CSMD1: variants seen among roughly 807,000 people sequenced by gnomAD.
CSMD1 encodes CUB and Sushi multiple domains 1.
In CSMD1, 213 loss-of-function variants were observed where a neutral mutation model predicts 417.5. The ratio of observed to expected loss-of-function variants is 0.51; its 90% CI spans 0.46 to 0.57. CSMD1 has a LOEUF of 0.57. Among genes scored for constraint, CSMD1 ranks in the 20% least tolerant of loss-of-function variants. CSMD1 has a pLI of 0.00. For synonymous variants in CSMD1, 2,862 were observed against 1,736.8 expected (o/e 1.65, Z -16.11); for missense variants, 6,923 against 4,529.7 (o/e 1.53, Z -15.17).
At chr8:4,134,924 T>A (rs967127620) in intron 3 of CSMD1, among the ~76,000 whole-genome samples, 3 of 152,184 alleles carry the variant, frequency 2.0e-5, no homozygotes, top group African/African-American at 7.2e-5. Context: ...TTTGCTAAAC[T>A]CTTCATCTCA....
intron 37 of CSMD1, among the ~76,000 whole-genome samples, chr8:3,172,139 T>A (rs942421978): frequency 6.6e-6 from 1 of 152,258 alleles, no homozygotes; most frequent in African/African-American, 2.4e-5. Flanking sequence ...GAATAAATCC[T>A]GGGCTACAAC....
intron 1 of CSMD1, among the ~76,000 whole-genome samples, chr8:4,863,586 A>T (rs1402752613): frequency 6.6e-6 from 1 of 152,026 alleles, no homozygotes; most frequent in African/African-American, 2.4e-5. Flanking sequence ...AATTTTGCAC[A>T]ATCTCTTCAT....
At chr8:3,264,144 A>C (rs1409818621) in intron 26 of CSMD1, among the ~76,000 whole-genome samples, 3 of 152,186 alleles carry the variant, frequency 2.0e-5, no homozygotes, top group African/African-American at 7.2e-5. Flanking sequence ...CCAGCTTTCT[A>C]GCAGGTATGA....
At chr8:4,393,915 G>A (rs764874489) in intron 3 of CSMD1, among the ~76,000 whole-genome samples, 8 of 152,218 alleles carry the variant, frequency 5.3e-5, no homozygotes, top group South Asian at 2.1e-4. Context: ...TCTTAAATCC[G>A]TTAGCTAGAT....
intron 3 of CSMD1, among the ~76,000 whole-genome samples, chr8:4,078,206 T>A (rs1368085223): frequency 6.6e-6 from 1 of 152,156 alleles, no homozygotes; most frequent in Non-Finnish European, 1.5e-5. Flanking sequence ...CATTTCTACA[T>A]CATTTTTTTC....
chr8:4,133,673 T>C (rs903497923), intron 3 of CSMD1, among the ~76,000 whole-genome samples: 4 of 151,164 alleles, frequency 2.6e-5, no homozygotes, highest in African/African-American at 4.9e-5. Flanking sequence ...GTAGGGAAAA[T>C]ATGTACAAAC....
At chr8:4,181,790 G>T (rs182994063) in intron 3 of CSMD1, among the ~76,000 whole-genome samples, 16 of 152,138 alleles carry the variant, frequency 1.1e-4, no homozygotes, top group Admixed American at 8.5e-4. Context: ...AACGATTTAG[G>T]TGACTAATTG....
intron 2 of CSMD1, among the ~76,000 whole-genome samples, chr8:4,428,239 C>T (rs974637083): frequency 6.6e-6 from 1 of 152,188 alleles, no homozygotes. Context: ...AAACACAAGA[C>T]AACTAGGAGA....
chr8:4,905,172 T>C (rs1585300145), intron 1 of CSMD1, among the ~76,000 whole-genome samples: 1 of 152,008 alleles, frequency 6.6e-6, no homozygotes, highest in Non-Finnish European at 1.5e-5. Flanking sequence ...TTCGAACACA[T>C]CTCTGAAAAA....
intron 51 of CSMD1, among the ~76,000 whole-genome samples, chr8:3,027,113 A>AT (rs1306555784): frequency 6.6e-6 from 1 of 152,158 alleles, no homozygotes; most frequent in Non-Finnish European, 1.5e-5. Context: ...AATTTAAAAA[A>AT]TTTTTTTAAA....
At chr8:4,877,871 C>A (rs937765444) in intron 1 of CSMD1, among the ~76,000 whole-genome samples, 2 of 151,976 alleles carry the variant, frequency 1.3e-5, no homozygotes, top group African/African-American at 4.8e-5. Context: ...ATTGCTCTAC[C>A]CAGTGTAGCA....
chr8:4,579,054 T>C (rs1461296213), intron 2 of CSMD1, among the ~76,000 whole-genome samples: 1 of 151,830 alleles, frequency 6.6e-6, no homozygotes, highest in Non-Finnish European at 1.5e-5. Context: ...CTGCAAAAGA[T>C]ATCTTTCTGC....
intron 3 of CSMD1, among the ~76,000 whole-genome samples, chr8:4,283,728 C>G (rs934315524): frequency 2.6e-5 from 4 of 151,958 alleles, no homozygotes; most frequent in South Asian, 2.1e-4. Flanking sequence ...TTTAACTCCT[C>G]AAGGAATGCA....
chr8:4,393,511 C>T lies in CSMD1; in HGVS notation c.415+26442G>A, dbSNP rs117447035. 2.6e-5 allele frequency among the ~76,000 whole-genome samples: 4 copies of T among 152,274 alleles called. No homozygotes were observed. The East Asian group carries it at 7.7e-4, about 29-fold the overall frequency. On this transcript the variant is annotated intron_variant, in intron 3 of 69. Transcript: ENST00000635120. ...CCACTATGTAGATTTAAACATATCTCATACATCCTAGGCCCAGTTTCACTT... is the reference window on the plus strand; with the variant it reads ...CCACTATGTAGATTTAAACATATCTTATACATCCTAGGCCCAGTTTCACTT...
intron 12 of CSMD1, among the ~76,000 whole-genome samples, chr8:3,452,219 G>T (rs1482009558): frequency 6.6e-6 from 1 of 152,190 alleles, no homozygotes; most frequent in Admixed American, 6.5e-5. Flanking sequence ...ATTTTGGGCT[G>T]AGACAATGGG....
In CSMD1 at chr8:3,087,187, C is replaced by G; in HGVS notation, c.7384G>C (p.Gly2462Arg). The change falls in exon 49 of 70, where the codon GGA becomes CGA. Residue 2462 changes from glycine (G) to arginine (R), a missense_variant. By Grantham distance (125) the Gly-to-Arg change is moderately radical. Transcript: ENST00000635120. ...GSKVHYFCKPGYRMVGHSNAT... is the reference protein window; with the variant it reads ...GSKVHYFCKPRYRMVGHSNAT... The stretch of plus-strand genomic sequence containing the variant: ...TTGCTGTGGCCGACCATTCGGTATC[C>G]AGGCTTGCAAAAATAATGCACTTTG... The G allele has an allele frequency of 6.2e-7, 1 of 1,613,972 alleles. No individual in the cohort carries two copies. Among genetic ancestry groups the G allele is most frequent in the African/African-American group, 1.3e-5 (1 of 75,050 alleles).
chr8:4,430,874 G>A (rs779200149), intron 2 of CSMD1, among the ~76,000 whole-genome samples: 9 of 152,058 alleles, frequency 5.9e-5, no homozygotes, highest in Non-Finnish European at 1.3e-4. Context: ...TGCCTTCTGT[G>A]TGATCAGCAC....
chr8:4,020,756 T>C (rs945929513), intron 4 of CSMD1, among the ~76,000 whole-genome samples: 8 of 152,252 alleles, frequency 5.3e-5, no homozygotes, highest in Non-Finnish European at 1.2e-4. Context: ...CCCAACGTCA[T>C]TACTTCCAAC....
chr8:3,537,802 G>T (rs766008361), intron 10 of CSMD1, among the ~76,000 whole-genome samples: 1 of 152,160 alleles, frequency 6.6e-6, no homozygotes, highest in Non-Finnish European at 1.5e-5. Context: ...CTCATCCATA[G>T]CACTTGGCAC....
Sources: gnomAD v4.1 joint callset for allele counts (sites outside exome capture counted in the v4.1 genomes callset) on GRCh38, gnomAD v4.1.1 for gene constraint, MANE v1.5 for transcripts, NCBI Gene and HGNC (gene_info 2026-07-23, HGNC 2026-07-21) for gene names.